PDE4D: variants seen among roughly 807,000 people sequenced by gnomAD.
PDE4D encodes 3',5'-cyclic-AMP phosphodiesterase 4D.
In PDE4D, 24 loss-of-function variants were observed where a neutral mutation model predicts 87.4. The observed-to-expected ratio is 0.27, with a 90% confidence interval of 0.20 to 0.39. The LOEUF is 0.39. PDE4D is among the 10% of genes least tolerant of loss of function. PDE4D has a pLI of 1.00. For missense variants in PDE4D, 714 were observed against 1,041.0 expected (o/e 0.69, Z 4.32); for synonymous variants, 384 against 383.2 (o/e 1.00, Z -0.02).
chr5:59,167,111 G>T (rs1782035669), intron 5 of PDE4D, among the ~76,000 whole-genome samples: 1 of 152,094 alleles, frequency 6.6e-6, no homozygotes, highest in African/African-American at 2.4e-5. Context: ...TCAAAATTAG[G>T]AAGGTATAAT....
chr5:60,408,129 C>G (rs1260955017), intron 1 of PDE4D, among the ~76,000 whole-genome samples: 1 of 152,140 alleles, frequency 6.6e-6, no homozygotes, highest in African/African-American at 2.4e-5. Flanking sequence ...GTGACCCCAT[C>G]CTGGCATCCG....
At chr5:60,173,727 G>C (rs1783677188) in intron 2 of PDE4D, among the ~76,000 whole-genome samples, 1 of 152,132 alleles carries the variant, frequency 6.6e-6, no homozygotes, top group African/African-American at 2.4e-5. Context: ...TGGAGCAACA[G>C]TCAGCAGCTT....
At chr5:59,124,914 T>G (rs555689309) in intron 5 of PDE4D, among the ~76,000 whole-genome samples, 79 of 152,322 alleles carry the variant, frequency 5.2e-4, no homozygotes, top group African/African-American at 1.6e-3. Flanking sequence ...AATGTTAATG[T>G]TTGTTTGTTC....
intron 1 of PDE4D, among the ~76,000 whole-genome samples, chr5:59,653,915 G>A (rs1743939947): frequency 6.6e-6 from 1 of 151,228 alleles, no homozygotes; most frequent in Admixed American, 6.6e-5. Context: ...AGGGGAAAAA[G>A]GGAGGGGAGG....
intron 1 of PDE4D, among the ~76,000 whole-genome samples, chr5:59,843,257 C>T (rs1404775082): frequency 1.3e-5 from 2 of 151,916 alleles, no homozygotes; most frequent in Non-Finnish European, 2.9e-5. Context: ...TTTATTTTAG[C>T]CATCTTGCCA....
intron 1 of PDE4D, among the ~76,000 whole-genome samples, chr5:59,883,563 A>G (rs1561813136): frequency 6.6e-6 from 1 of 152,242 alleles, no homozygotes; most frequent in African/African-American, 2.4e-5. Context: ...ATCTATTTCA[A>G]ACTTTATGAA....
intron 2 of PDE4D, among the ~76,000 whole-genome samples, chr5:59,998,352 A>G (rs1375583380): frequency 6.6e-6 from 1 of 152,196 alleles, no homozygotes; most frequent in Non-Finnish European, 1.5e-5. Flanking sequence ...AATCAACTGA[A>G]AAATAATTGA....
intron 1 of PDE4D, among the ~76,000 whole-genome samples, chr5:59,779,961 C>T (rs992529157): frequency 1.4e-4 from 21 of 152,186 alleles, no homozygotes; most frequent in African/African-American, 2.7e-4. Context: ...TGAGATCCCA[C>T]GTTTTTTCCT....
chr5:59,240,494 G>A (rs1757413716), intron 1 of PDE4D, among the ~76,000 whole-genome samples: 2 of 152,140 alleles, frequency 1.3e-5, no homozygotes, highest in South Asian at 2.1e-4. Context: ...GATGAGTGGT[G>A]TAGGTGATGA....
At chr5:59,552,722 T>C (rs971078817) in intron 1 of PDE4D, among the ~76,000 whole-genome samples, 7 of 152,212 alleles carry the variant, frequency 4.6e-5, no homozygotes, top group Non-Finnish European at 1.0e-4. Flanking sequence ...CATATTAATA[T>C]GATGGATTCT....
chr5:59,214,078 A>AC (rs1561725393), intron 2 of PDE4D, among the ~76,000 whole-genome samples: 36 of 133,250 alleles, frequency 2.7e-4, no homozygotes, highest in African/African-American at 9.9e-4. Flanking sequence ...ACACACACAC[A>AC]ACCATTCTAT....
At chr5:60,103,523 C>T (rs898414030) in intron 2 of PDE4D, among the ~76,000 whole-genome samples, 1 of 152,188 alleles carries the variant, frequency 6.6e-6, no homozygotes, top group African/African-American at 2.4e-5. Flanking sequence ...CAGGCCCCAA[C>T]ATGAGCCAAA....
chr5:59,531,301 G>A (rs1814177035), intron 1 of PDE4D, among the ~76,000 whole-genome samples: 1 of 152,160 alleles, frequency 6.6e-6, no homozygotes, highest in African/African-American at 2.4e-5. Context: ...CTATGCAAAT[G>A]TTAACCTGGA....
At chr5:59,556,031 C>A (rs1310180959) in intron 1 of PDE4D, among the ~76,000 whole-genome samples, 2 of 152,106 alleles carry the variant, frequency 1.3e-5, no homozygotes, top group Non-Finnish European at 2.9e-5. Context: ...CTAAATGTAT[C>A]TCAATGTCTT....
At position 59,145,713 on chromosome 5, in the gene PDE4D, G is replaced by A. The variant is rs148029827; in HGVS notation, c.808+34882C>T. On this transcript the variant is annotated intron_variant, in intron 5 of 14. Coordinates refer to ENST00000340635, the MANE Select transcript of PDE4D (RefSeq NM_001104631.2). ...TATCGAGCCCTAATTGAAAGCCGCT[G>A]ATTTCACCTACATAATTCCATGTCT... Among the ~76,000 whole-genome samples the A allele has an allele frequency of 3.8e-3, 575 of 152,296 alleles. 2 individuals are homozygous for A. Among genetic ancestry groups the A allele is most frequent in the African/African-American group, 0.013 (554 of 41,558 alleles).
At chr5:60,192,353 A>G (rs1307983165) in intron 1 of PDE4D, among the ~76,000 whole-genome samples, 3 of 152,316 alleles carry the variant, frequency 2.0e-5, no homozygotes, top group Non-Finnish European at 4.4e-5. Context: ...TCCAAATGAC[A>G]TAAGTCTTTG....
intron 1 of PDE4D, among the ~76,000 whole-genome samples, chr5:59,225,384 C>T (rs990988809): frequency 6.6e-6 from 1 of 152,120 alleles, no homozygotes. Flanking sequence ...GCCAGTACCA[C>T]ATTGTTTTGA....
chr5:60,182,902 A>G (rs1017931242), intron 2 of PDE4D, among the ~76,000 whole-genome samples: 2 of 151,910 alleles, frequency 1.3e-5, no homozygotes, highest in African/African-American at 4.8e-5. Context: ...AAAAAAGAAT[A>G]TCAAACTCTC....
At chr5:59,184,563 T>A (rs77265086) in intron 4 of PDE4D, among the ~76,000 whole-genome samples, 19,046 of 151,902 alleles carry the variant, frequency 0.13, 1,301 homozygotes, top group Admixed American at 0.16. Flanking sequence ...AGATTTTTTT[T>A]AAAAAAATGG....
Sources: gnomAD v4.1 joint callset for allele counts (sites outside exome capture counted in the v4.1 genomes callset) on GRCh38, gnomAD v4.1.1 for gene constraint, MANE v1.5 for transcripts, NCBI Gene and HGNC (gene_info 2026-07-23, HGNC 2026-07-21) for gene names.